DCC: variants seen among roughly 807,000 people sequenced by gnomAD.
DCC encodes DCC netrin 1 receptor.
DCC carries 58 observed loss-of-function variants against 172.5 expected under a neutral mutation model. The ratio of observed to expected loss-of-function variants is 0.34; its 90% CI spans 0.27 to 0.42. The LOEUF (loss-of-function observed/expected upper bound fraction) is 0.42. DCC is among the 10% of genes least tolerant of loss of function. The pLI, the probability that DCC is intolerant of heterozygous loss-of-function variation, is 1.00. For missense variants in DCC, 1,740 were observed against 1,791.0 expected, an observed-to-expected ratio of 0.97 and a Z score of 0.51; for synonymous variants, 709 against 644.5, an observed-to-expected ratio of 1.10 and a Z score of -1.52.
At chr18:52,922,281 C>A (rs554383513) in intron 3 of DCC, among the ~76,000 whole-genome samples, 5 of 152,112 alleles carry the variant, frequency 3.3e-5, no homozygotes, top group Non-Finnish European at 4.4e-5. Flanking sequence ...CTTTAGATAA[C>A]AATTACTGTC....
chr18:53,098,100 A>G (rs1011199541), intron 7 of DCC, among the ~76,000 whole-genome samples: 7 of 152,158 alleles, frequency 4.6e-5, no homozygotes, highest in Non-Finnish European at 7.4e-5. Context: ...TTTCACAACT[A>G]GAAATTGATT....
intron 7 of DCC, among the ~76,000 whole-genome samples, chr18:53,149,820 ATC>A (rs1294856088): frequency 6.6e-6 from 1 of 152,112 alleles, no homozygotes; most frequent in Non-Finnish European, 1.5e-5. Flanking sequence ...TTCTCAGTTT[ATC>A]TCTTTGTGTG....
chr18:53,106,256 G>T (rs1433881172), intron 7 of DCC, among the ~76,000 whole-genome samples: 1 of 151,862 alleles, frequency 6.6e-6, no homozygotes, highest in Non-Finnish European at 1.5e-5. Flanking sequence ...TAGCTTCTTA[G>T]CACATTTTGC....
At chr18:52,542,515 C>T (rs59031180) in intron 1 of DCC, among the ~76,000 whole-genome samples, 12,156 of 152,000 alleles carry the variant, frequency 0.08, 708 homozygotes, top group African/African-American at 0.14. Flanking sequence ...AGGGGTAGTT[C>T]TTTGGAATTC....
At chr18:53,020,056 T>C (rs2041858138) in intron 5 of DCC, among the ~76,000 whole-genome samples, 1 of 152,186 alleles carries the variant, frequency 6.6e-6, no homozygotes, top group African/African-American at 2.4e-5. Flanking sequence ...GTGGGAACTT[T>C]GAAGGAGCAT....
intron 7 of DCC, among the ~76,000 whole-genome samples, chr18:53,139,874 T>A (rs2043804416): frequency 6.6e-6 from 1 of 152,174 alleles, no homozygotes; most frequent in East Asian, 1.9e-4. Flanking sequence ...TCACTAGTGC[T>A]TATACTCTGT....
At chr18:53,280,027 G>A (rs2056852969) in intron 12 of DCC, among the ~76,000 whole-genome samples, 1 of 151,946 alleles carries the variant, frequency 6.6e-6, no homozygotes, top group Admixed American at 6.6e-5. Flanking sequence ...TCTATACCAA[G>A]CCCCTATCAC....
chr18:52,793,576 C>G (rs548004249), intron 2 of DCC, among the ~76,000 whole-genome samples: 1 of 152,244 alleles, frequency 6.6e-6, no homozygotes, highest in Admixed American at 6.5e-5. Flanking sequence ...AATATTTTCT[C>G]TCATTCTGCA....
chr18:52,681,472 G>T (rs1444592589), intron 1 of DCC, among the ~76,000 whole-genome samples: 1 of 152,028 alleles, frequency 6.6e-6, no homozygotes. Flanking sequence ...TCTAAATAGG[G>T]ATAACATTAG....
In DCC at chr18:52,689,082, G is replaced by A. The variant is rs1181503542; in HGVS notation, c.92-62972G>A. On this transcript the variant is annotated intron_variant, in intron 1 of 28. Transcript: ENST00000442544. ...TTCAAATGCACAGAATTTTGGTCAAGGACATTGAAGTAAACATTTTATCTT... is the reference window on the plus strand; with the variant it reads ...TTCAAATGCACAGAATTTTGGTCAAAGACATTGAAGTAAACATTTTATCTT... Among the ~76,000 whole-genome samples, 3 of 152,090 alleles carry A rather than the reference G, an allele frequency of 2.0e-5. No individual in the cohort carries two copies. In the South Asian group the frequency reaches 6.2e-4, roughly 32 times the overall value.
chr18:52,802,786 A>G (rs568747376), intron 2 of DCC, among the ~76,000 whole-genome samples: 3 of 149,822 alleles, frequency 2.0e-5, no homozygotes, highest in South Asian at 4.3e-4. Context: ...GATTACAGAC[A>G]GGCGCTACTG....
intron 16 of DCC, among the ~76,000 whole-genome samples, chr18:53,386,951 T>C (rs558778460): frequency 5.3e-5 from 8 of 152,194 alleles, no homozygotes; most frequent in Non-Finnish European, 1.0e-4. Context: ...CACAGACTTA[T>C]GTCTGAAATC....
rs370797810 is a variant in DCC at position 53,206,141 on chromosome 18, T to TAA, written c.1722+777_1722+778insAA. Reference sequence around the variant, plus strand: ...TATAAGCATAATACATATACATATATTATATATTATATAATACATATATAC... The same window carrying TAA: ...TATAAGCATAATACATATACATATATAATATATATTATATAATACATATATAC... On this transcript the variant is annotated intron_variant, in intron 10 of 28. Transcript: ENST00000442544. 5.8e-3 allele frequency among the ~76,000 whole-genome samples: 653 copies of TAA among 112,980 alleles called. 8 individuals are homozygous for TAA. The highest frequency in any genetic ancestry group is 0.021 in the Admixed American group (206 of 9,966). The allele number at this position is 112,980 out of a possible 152,430, so 74.1% of individuals were successfully genotyped here.
intron 7 of DCC, among the ~76,000 whole-genome samples, chr18:53,090,695 C>CACCAAAAAAAA: frequency 8.0e-5 from 1 of 12,528 alleles, no homozygotes; most frequent in Non-Finnish European, 2.2e-4. Context: ...CTCCGTCCCC[C>CACCAAAAAAAA]AACAAAAAAA....
chr18:53,481,669 C>G (rs558745355), intron 25 of DCC, among the ~76,000 whole-genome samples: 7 of 152,280 alleles, frequency 4.6e-5, no homozygotes, highest in Non-Finnish European at 7.4e-5. Flanking sequence ...CAACAAATCT[C>G]TCAATTCTGT....
chr18:53,222,885 C>T (rs1481238705), intron 12 of DCC, among the ~76,000 whole-genome samples: 1 of 152,042 alleles, frequency 6.6e-6, no homozygotes, highest in Non-Finnish European at 1.5e-5. Context: ...GTCATTGTAA[C>T]ATTACAAATG....
At chr18:52,613,310 C>G (rs1568256077) in intron 1 of DCC, among the ~76,000 whole-genome samples, 1 of 152,090 alleles carries the variant, frequency 6.6e-6, no homozygotes, top group African/African-American at 2.4e-5. Flanking sequence ...GGCTGGAGTG[C>G]ATTGGTGCTA....
chr18:53,260,208 A>G (rs1368481639), intron 12 of DCC, among the ~76,000 whole-genome samples: 4 of 152,022 alleles, frequency 2.6e-5, no homozygotes, highest in African/African-American at 7.2e-5. Flanking sequence ...CAACTTGTCA[A>G]AGTCATTCTC....
intron 7 of DCC, among the ~76,000 whole-genome samples, chr18:53,134,557 G>C (rs1361186958): frequency 6.6e-6 from 1 of 152,096 alleles, no homozygotes; most frequent in Non-Finnish European, 1.5e-5. Flanking sequence ...GAACTGCCTT[G>C]AGGGACACAT....
Sources: gnomAD v4.1 joint callset for allele counts (sites outside exome capture counted in the v4.1 genomes callset) on GRCh38, gnomAD v4.1.1 for gene constraint, MANE v1.5 for transcripts, NCBI Gene and HGNC (gene_info 2026-07-23, HGNC 2026-07-21) for gene names.